Variants in KCNMA1 observed in about 807,000 individuals in gnomAD.
KCNMA1 encodes Calcium-activated potassium channel subunit alpha-1.
In KCNMA1, 29 loss-of-function variants were observed where a neutral mutation model predicts 140.0. The ratio of observed to expected loss-of-function variants is 0.21; its 90% CI spans 0.15 to 0.28. The LOEUF (loss-of-function observed/expected upper bound fraction) is 0.28, where lower values mean the gene tolerates loss of function less well. KCNMA1 is among the 10% of genes least tolerant of loss of function. The pLI is 1.00. For synonymous variants in KCNMA1, 612 were observed against 611.9 expected (o/e 1.00, Z 0.00); for missense variants, 880 against 1,602.2 (o/e 0.55, Z 7.70).
intron 3 of KCNMA1, among the ~76,000 whole-genome samples, chr10:77,221,510 C>T (rs2049662731): frequency 6.6e-6 from 1 of 151,948 alleles, no homozygotes; most frequent in Admixed American, 6.6e-5. Context: ...CTTAATTGTA[C>T]CTTTTAAAAT....
intron 15 of KCNMA1, among the ~76,000 whole-genome samples, chr10:77,030,733 T>C (rs1005329483): frequency 6.6e-6 from 1 of 152,220 alleles, no homozygotes; most frequent in Non-Finnish European, 1.5e-5. Context: ...CTAAGGTCTA[T>C]GTGGCCTTGT....
At chr10:77,571,463 C>T (rs1236092676) in intron 1 of KCNMA1, among the ~76,000 whole-genome samples, 1 of 152,200 alleles carries the variant, frequency 6.6e-6, no homozygotes, top group African/African-American at 2.4e-5. Flanking sequence ...CAAATTCAAA[C>T]CCCAAACTTG....
intron 1 of KCNMA1, among the ~76,000 whole-genome samples, chr10:77,532,328 C>T (rs183576807): frequency 7.8e-4 from 119 of 152,234 alleles, no homozygotes; most frequent in African/African-American, 2.7e-3. Flanking sequence ...ATGATGTGCG[C>T]AAAAGGGACA....
chr10:77,008,256 T>A, intron 18 of KCNMA1: 3 of 1,465,910 alleles, frequency 2.0e-6, no homozygotes, highest in South Asian at 1.3e-5. Flanking sequence ...AGAAAAAAAA[T>A]AAATCAAAGA....
At chr10:77,023,457 A>T (rs1008557513) in intron 16 of KCNMA1, among the ~76,000 whole-genome samples, 1 of 152,208 alleles carries the variant, frequency 6.6e-6, no homozygotes, top group African/African-American at 2.4e-5. Context: ...TTTGTGCTTG[A>T]TAACGTAGTA....
chr10:76,902,476 C>T (rs1282978201), intron 25 of KCNMA1: 1 of 152,236 alleles, frequency 6.6e-6, no homozygotes, highest in Non-Finnish European at 1.5e-5. Context: ...AGGCAGAGAC[C>T]TTCTCAATAT....
chr10:77,235,184 G>A (rs1051619742), intron 3 of KCNMA1, among the ~76,000 whole-genome samples: 1 of 152,176 alleles, frequency 6.6e-6, no homozygotes, highest in Non-Finnish European at 1.5e-5. Context: ...GGGCATTAAG[G>A]ACTTCATTAG....
intron 2 of KCNMA1, among the ~76,000 whole-genome samples, chr10:77,273,120 AT>A (rs566134847): frequency 2.0e-5 from 3 of 152,332 alleles, no homozygotes; most frequent in African/African-American, 7.2e-5. Flanking sequence ...AATATCTTCT[AT>A]AAGGTAGCTG....
chr10:77,053,710 C>A (rs1039036765), intron 14 of KCNMA1, among the ~76,000 whole-genome samples: 6 of 152,140 alleles, frequency 3.9e-5, no homozygotes, highest in African/African-American at 1.4e-4. Context: ...CTTCTCCCAT[C>A]AGTGATCCAG....
intron 1 of KCNMA1, among the ~76,000 whole-genome samples, chr10:77,569,613 G>A (rs1023398370): frequency 1.3e-5 from 2 of 152,140 alleles, no homozygotes; most frequent in South Asian, 4.2e-4. Context: ...TTAAATGTTA[G>A]ACCTAAAACC....
chr10:77,252,340 ACC>A (rs1304387685), intron 2 of KCNMA1, among the ~76,000 whole-genome samples: 12 of 152,208 alleles, frequency 7.9e-5, no homozygotes, highest in Non-Finnish European at 1.8e-4. Context: ...AGTAAGCACC[ACC>A]ATTACACACA....
At position 76,887,024 on chromosome 10, in the gene KCNMA1, T is replaced by A. The variant is rs1201732793; in HGVS notation, c.*242A>T. The A allele has an allele frequency of 7.3e-7, 1 of 1,374,708 alleles. No individual in the cohort carries two copies. 85.2% of individuals were successfully genotyped at this position (1,374,708 alleles called of 1,614,324 possible). Reference sequence around the variant, plus strand: ...TTATGTCTGGAGCATGCCTTTGGGTTATTTTTCCCCCAGAATCATAAATAA... The same window carrying A: ...TTATGTCTGGAGCATGCCTTTGGGTAATTTTTCCCCCAGAATCATAAATAA... On this transcript the variant is annotated 3_prime_UTR_variant, in exon 28 of 28. Coordinates refer to ENST00000286628, the MANE Select transcript of KCNMA1 (RefSeq NM_001161352.2).
intron 2 of KCNMA1, among the ~76,000 whole-genome samples, chr10:77,362,781 G>T (rs1412932958): frequency 6.6e-6 from 1 of 152,152 alleles, no homozygotes; most frequent in East Asian, 1.9e-4. Flanking sequence ...TCCATCACAA[G>T]GGCCTCTGAT....
intron 1 of KCNMA1, among the ~76,000 whole-genome samples, chr10:77,422,782 G>A (rs1287363784): frequency 2.7e-4 from 41 of 152,122 alleles, no homozygotes. Context: ...AGACTGGAGT[G>A]GTGGCTGCAA....
At chr10:76,935,332 C>T (rs2060282320) in intron 23 of KCNMA1, among the ~76,000 whole-genome samples, 1 of 152,222 alleles carries the variant, frequency 6.6e-6, no homozygotes, top group African/African-American at 2.4e-5. Flanking sequence ...CCCCATGACC[C>T]TTGAAAGTAC....
intron 1 of KCNMA1, among the ~76,000 whole-genome samples, chr10:77,608,977 C>G (rs192669766): frequency 4.7e-4 from 71 of 152,088 alleles, no homozygotes; most frequent in African/African-American, 1.6e-3. Flanking sequence ...AAAAGAGAAC[C>G]CTGTTACACT....
chr10:77,123,041 G>A (rs1014546861), intron 5 of KCNMA1, among the ~76,000 whole-genome samples: 41 of 151,402 alleles, frequency 2.7e-4, no homozygotes, highest in South Asian at 1.9e-3. Flanking sequence ...TTAGCCGGGC[G>A]TGGTGGCGGG....
At chr10:77,079,088 T>C (rs2096487020) in intron 13 of KCNMA1, among the ~76,000 whole-genome samples, 1 of 151,940 alleles carries the variant, frequency 6.6e-6, no homozygotes, top group Non-Finnish European at 1.5e-5. Flanking sequence ...CTGACCAACA[T>C]GCAGAAACCC....
chr10:77,199,146 C>G (rs559794631), intron 3 of KCNMA1, among the ~76,000 whole-genome samples: 2 of 152,308 alleles, frequency 1.3e-5, no homozygotes, highest in South Asian at 4.1e-4. Context: ...AATTTATTCT[C>G]TCTTATAGAT....
Sources: allele counts gnomAD v4.1 joint callset (sites outside exome capture counted in the v4.1 genomes callset), GRCh38; gene constraint gnomAD v4.1.1; transcripts MANE v1.5; gene names NCBI Gene and HGNC (gene_info 2026-07-23, HGNC 2026-07-21).